STAM: variants seen among roughly 807,000 people sequenced by gnomAD.
The protein encoded by STAM is signal transducing adaptor molecule, also known as signal transducing adapter molecule 1.
In STAM, 16 loss-of-function variants were observed where a neutral mutation model predicts 63.4. The ratio of observed to expected loss-of-function variants is 0.25; its 90% CI spans 0.17 to 0.38. The LOEUF (loss-of-function observed/expected upper bound fraction) is 0.38, where lower values mean the gene tolerates loss of function less well. Ranked by LOEUF, STAM falls within the 10% of genes least tolerant of loss-of-function variation. The pLI is 1.00. For synonymous variants in STAM, 238 were observed against 223.9 expected, an observed-to-expected ratio of 1.06 and a Z score of -0.56; for missense variants, 636 against 657.1, an observed-to-expected ratio of 0.97 and a Z score of 0.35.
intron 4 of STAM, 108 bp downstream of exon 4, chr10:17,685,035 T>A: frequency 1.2e-6 from 1 of 842,692 alleles, no homozygotes; most frequent in Non-Finnish European, 1.8e-6. Flanking sequence ...AGAAATCCTT[T>A]CTAGGCTGTG....
chr10:17,697,735 A>C (rs1835822532), intron 8 of STAM, among the ~76,000 whole-genome samples: 1 of 152,204 alleles, frequency 6.6e-6, no homozygotes, highest in African/African-American at 2.4e-5. Context: ...GGAAAACAGA[A>C]AAATATGTTC....
In STAM at chr10:17,715,982, T is replaced by C. The variant is rs1328964121; in HGVS notation, c.*1202T>C. 6.6e-6 allele frequency: 1 copy of C among 152,630 alleles called. No homozygotes were observed. The highest frequency in any genetic ancestry group is 1.5e-5 in the Non-Finnish European group (1 of 68,008). The allele number at this position is 152,630 out of a possible 1,614,324, so 9.5% of individuals were successfully genotyped here. ...TTCACACTGGATTTTTGGGTTGCTC[T>C]TTCTGGCCTTTTAAAATTCTAATGG... On this transcript the variant is annotated 3_prime_UTR_variant, in exon 14 of 14. Transcript: ENST00000377524.
intron 2 of STAM, among the ~76,000 whole-genome samples, chr10:17,682,608 T>A (rs1240262092): frequency 2.6e-5 from 4 of 152,248 alleles, no homozygotes; most frequent in Admixed American, 2.6e-4. Flanking sequence ...GGTCAAAGAA[T>A]GTACTTTGTA....
intron 13 of STAM, among the ~76,000 whole-genome samples, chr10:17,713,831 C>T (rs1836673567): frequency 1.3e-5 from 2 of 151,980 alleles, no homozygotes; most frequent in Admixed American, 1.3e-4. Context: ...TCAGAACGAG[C>T]CAGTGTCTTT....
chr10:17,705,682 T>C lies in STAM; in HGVS notation c.1150T>C (p.Tyr384His). The stretch of plus-strand genomic sequence containing the variant: ...GAACGAAGATCCGATGTATTCCATG[T>C]ATGCAAAGTTACAGAATCAGCCATA... Reference protein sequence around the residue: ...LMNEDPMYSMYAKLQNQPYYM... With the variant: ...LMNEDPMYSMHAKLQNQPYYM... The change falls in exon 12 of 14, where the codon TAT becomes CAT. Residue 384 changes from tyrosine to histidine, a missense_variant. Physicochemically the swap from Tyr to His is moderately conservative, Grantham distance 83. Transcript: ENST00000377524. 1 of 1,614,052 alleles carries C rather than the reference T, an allele frequency of 6.2e-7. No individual in the cohort carries two copies. Among genetic ancestry groups the C allele is most frequent in the Non-Finnish European group, 8.5e-7 (1 of 1,179,954 alleles).
intron 1 of STAM, among the ~76,000 whole-genome samples, chr10:17,652,937 A>C (rs1473849268): frequency 6.6e-6 from 1 of 152,164 alleles, no homozygotes; most frequent in Non-Finnish European, 1.5e-5. Context: ...ATGATAAATA[A>C]TTTGACTAGT....
chr10:17,660,369 C>T (rs189141012), intron 1 of STAM, 95 bp from the exon 2 acceptor site: 25 of 782,310 alleles, frequency 3.2e-5, no homozygotes, highest in African/African-American at 2.7e-4. Context: ...GTTGTTAAGA[C>T]TTGATTATAC....
intron 2 of STAM, among the ~76,000 whole-genome samples, chr10:17,675,200 A>C (rs1834796797): frequency 6.6e-6 from 1 of 152,210 alleles, no homozygotes; most frequent in Admixed American, 6.5e-5. Flanking sequence ...ATAAAAGCCT[A>C]ATTAAAGATA....
At chr10:17,674,701 T>C (rs1439499924) in intron 2 of STAM, among the ~76,000 whole-genome samples, 2 of 152,138 alleles carry the variant, frequency 1.3e-5, no homozygotes, top group Non-Finnish European at 2.9e-5. Context: ...TCAGTCCAGG[T>C]TCAAGGGGAG....
chr10:17,680,214 A>G (rs1189694925), intron 2 of STAM, among the ~76,000 whole-genome samples: 1 of 152,116 alleles, frequency 6.6e-6, no homozygotes, highest in Non-Finnish European at 1.5e-5. Flanking sequence ...ATTGTAGCAA[A>G]ATAAACATAG....
intron 13 of STAM, among the ~76,000 whole-genome samples, chr10:17,710,004 C>A (rs1445982118): frequency 2.1e-5 from 3 of 142,386 alleles, no homozygotes; most frequent in Non-Finnish European, 4.6e-5. Context: ...GAAATGAATA[C>A]CCTTCTGGAA....
In STAM at chr10:17,695,060, T is replaced by C. The variant is rs1835695454; in HGVS notation, c.547T>C (p.Ser183Pro). 1 of 1,613,644 alleles carries C rather than the reference T, an allele frequency of 6.2e-7. No individual in the cohort carries two copies. Among genetic ancestry groups the C allele is most frequent in the Non-Finnish European group, 8.5e-7 (1 of 1,179,758 alleles). Residue 183 changes from serine (S) to proline (P), a missense_variant, in exon 7 of 14, where the codon TCT (serine) becomes CCT (proline). Physicochemically the swap from Ser to Pro is moderately conservative, Grantham distance 74. This residue lies in a region of STAM where 532 missense variants were observed against 536.9 expected (regional missense o/e 0.99). Coordinates refer to ENST00000377524, the MANE Select transcript of STAM (RefSeq NM_003473.4). ...EEDLAKAIEL[S>P]LKEQRQQSTT... ...TCATTGTTTTCTAGCCATTGAGTTG[T>C]CTCTCAAGGAACAAAGGCAGCAGTC...
intron 2 of STAM, among the ~76,000 whole-genome samples, chr10:17,677,865 A>T (rs1362493969): frequency 2.0e-5 from 3 of 152,048 alleles, no homozygotes; most frequent in Non-Finnish European, 4.4e-5. Context: ...ATTAAAAAGG[A>T]TTTTTTTGTA....
At chr10:17,683,981 G>A (rs983635296) in intron 2 of STAM, among the ~76,000 whole-genome samples, 1 of 152,192 alleles carries the variant, frequency 6.6e-6, no homozygotes, top group African/African-American at 2.4e-5. Flanking sequence ...AGGTATGATT[G>A]AGCTGCATTG....
intron 1 of STAM, among the ~76,000 whole-genome samples, chr10:17,646,129 G>A (rs1833511597): frequency 6.6e-6 from 1 of 152,102 alleles, no homozygotes; most frequent in Non-Finnish European, 1.5e-5. Context: ...GTGTGTTAAG[G>A]CCAACTCAGA....
intron 2 of STAM, among the ~76,000 whole-genome samples, chr10:17,663,201 C>T (rs1554823078): frequency 6.6e-6 from 1 of 152,004 alleles, no homozygotes; most frequent in South Asian, 2.1e-4. Flanking sequence ...TTAATGTTAA[C>T]GTTATTCTCC....
At position 17,714,900 on chromosome 10, in the gene STAM, G is replaced by A. The variant is rs1836743382; in HGVS notation, c.*120G>A. On this transcript the variant is annotated 3_prime_UTR_variant, in exon 14 of 14. Transcript: ENST00000377524. The stretch of plus-strand genomic sequence containing the variant: ...TATAGGAATCTCTCCAGGTCAACAG[G>A]TTCAAATATTCAAGAAGGTAGAACT... The A allele has an allele frequency of 2.0e-6, 2 of 976,636 alleles. No individual in the cohort carries two copies. Among genetic ancestry groups the A allele is most frequent in the African/African-American group, 1.6e-5 (1 of 61,844 alleles). 60.5% of individuals were successfully genotyped at this position (976,636 alleles called of 1,614,324 possible).
chr10:17,651,438 A>G (rs1166722021), intron 1 of STAM, among the ~76,000 whole-genome samples: 4 of 152,362 alleles, frequency 2.6e-5, no homozygotes, highest in East Asian at 1.9e-4. Flanking sequence ...AAGGTGTGCA[A>G]TCAGTTACTG....
rs961506144 is a variant in STAM, at chr10:17,705,637, T to G, written c.1105T>G (p.Ser369Ala). Residue 369 changes from serine to alanine, a missense_variant, in exon 12 of 14, where the codon TCC becomes GCC. By Grantham distance (99) the Ser-to-Ala change is moderately conservative. Coordinates refer to ENST00000377524, the MANE Select transcript of STAM (RefSeq NM_003473.4). ...ELNVKVMEAL[S>A]LYTKLMNEDP... ...TAATGTGAAAGTGATGGAGGCCCTTTCCTTATATACCAAGTTAATGAACGA... is the reference window on the plus strand; with the variant it reads ...TAATGTGAAAGTGATGGAGGCCCTTGCCTTATATACCAAGTTAATGAACGA... 4 of 1,613,758 alleles carry G rather than the reference T, an allele frequency of 2.5e-6. No homozygotes were observed. Among genetic ancestry groups the G allele is most frequent in the Admixed American group, 1.7e-5 (1 of 59,952 alleles).
Sources: gnomAD v4.1 joint callset for allele counts (sites outside exome capture counted in the v4.1 genomes callset) on GRCh38, gnomAD v4.1.1 for gene constraint, gnomAD v4.1.1 regional missense constraint, MANE v1.5 for transcripts, NCBI Gene and HGNC (gene_info 2026-07-23, HGNC 2026-07-21) for gene names.